TBX19: variants seen among roughly 807,000 people sequenced by gnomAD.
The protein encoded by TBX19 is T-box transcription factor 19, also known as T-box transcription factor TBX19.
In TBX19, 33 loss-of-function variants were observed where a neutral mutation model predicts 40.9. The observed-to-expected ratio is 0.81, with a 90% CI of 0.61 to 1.08. The LOEUF (loss-of-function observed/expected upper bound fraction) is 1.08, where lower values mean the gene tolerates loss of function less well. TBX19 is among the 50% of genes least tolerant of loss of function. TBX19 has a pLI of 0.00. For missense variants in TBX19, 494 were observed against 574.0 expected (o/e 0.86, Z 1.42); for synonymous variants, 220 against 225.0 (o/e 0.98, Z 0.20).
In TBX19 at chr1:168,312,994, G is replaced by C; in HGVS notation, c.1339G>C (p.Asp447His). ...AGGHHSPSSL[D>H]G ...TGGGCACCATTCTCCTTCCTCACTG[G>C]ATGGTTAAGCAGGATCCTAGGAGCC... Residue 447 changes from aspartate to histidine, a missense_variant, in exon 8 of 8, where the codon GAT (aspartate) becomes CAT (histidine). Physicochemically the swap from Asp to His is moderately conservative, Grantham distance 81. Transcript: ENST00000367821. 1.9e-6 allele frequency: 3 copies of C among 1,614,188 alleles called. No homozygotes were observed. The highest frequency in any genetic ancestry group is 2.5e-6 in the Non-Finnish European group (3 of 1,180,032).
intron 4 of TBX19, among the ~76,000 whole-genome samples, chr1:168,298,279 A>G (rs998532362): frequency 6.6e-6 from 1 of 152,238 alleles, no homozygotes; most frequent in Non-Finnish European, 1.5e-5. Flanking sequence ...TCTATTCGTT[A>G]TAATAGGGAT....
At chr1:168,309,505 A>G (rs1022065188) in intron 7 of TBX19, among the ~76,000 whole-genome samples, 3 of 152,326 alleles carry the variant, frequency 2.0e-5, no homozygotes, top group Non-Finnish European at 2.9e-5. Flanking sequence ...ATTGAAGAGG[A>G]AAAGTATAAA....
intron 1 of TBX19, among the ~76,000 whole-genome samples, chr1:168,289,559 G>T (rs1648887513): frequency 6.6e-6 from 1 of 152,116 alleles, no homozygotes; most frequent in Non-Finnish European, 1.5e-5. Context: ...TTTCTCCCTA[G>T]AAATTTTACT....
At chr1:168,297,277 G>A (rs1449936258) in intron 3 of TBX19, among the ~76,000 whole-genome samples, 2 of 152,184 alleles carry the variant, frequency 1.3e-5, no homozygotes, top group Non-Finnish European at 2.9e-5. Context: ...CTCATCCAGA[G>A]GGGCAGGATC....
Position 168,305,209 on chromosome 1 carries a change from G to A in TBX19, c.916+13G>A, listed in dbSNP as rs755337594. ...CATTCTCCCTCAGGTCTGTGACTCT[G>A]CTGATTAAACCCTTGGGGTATGGGC... On this transcript the variant is annotated intron_variant, in intron 6 of 7. Coordinates refer to ENST00000367821, the MANE Select transcript of TBX19 (RefSeq NM_005149.3). 6.2e-7 allele frequency: 1 copy of A among 1,608,094 alleles called. No homozygotes were observed. The highest frequency in any genetic ancestry group is 2.2e-5 in the East Asian group (1 of 44,882).
At chr1:168,289,305 G>A (rs747403792) in intron 1 of TBX19, among the ~76,000 whole-genome samples, 10 of 152,050 alleles carry the variant, frequency 6.6e-5, no homozygotes, top group East Asian at 3.8e-4. Context: ...AAAATATATC[G>A]TAAAAGGGAA....
intron 5 of TBX19, among the ~76,000 whole-genome samples, chr1:168,303,008 C>G (rs1329292268): frequency 6.6e-6 from 1 of 152,160 alleles, no homozygotes; most frequent in Non-Finnish European, 1.5e-5. Context: ...CTATTAACTT[C>G]TGCATTCAGA....
intron 1 of TBX19, among the ~76,000 whole-genome samples, chr1:168,289,115 C>T (rs1019861155): frequency 6.6e-6 from 1 of 152,176 alleles, no homozygotes; most frequent in African/African-American, 2.4e-5. Flanking sequence ...AACACAGAGA[C>T]CATGTCTCCA....
At chr1:168,305,917 T>C (rs1038182874) in intron 6 of TBX19, among the ~76,000 whole-genome samples, 1 of 152,242 alleles carries the variant, frequency 6.6e-6, no homozygotes, top group Non-Finnish European at 1.5e-5. Context: ...GGATCGACTA[T>C]ATGCCAGGCT....
intron 5 of TBX19, among the ~76,000 whole-genome samples, chr1:168,303,573 A>G (rs1043634860): frequency 6.6e-6 from 1 of 152,220 alleles, no homozygotes; most frequent in Admixed American, 6.5e-5. Context: ...GCAAGTCCAC[A>G]GAGTAAAGTG....
intron 1 of TBX19, among the ~76,000 whole-genome samples, chr1:168,285,288 C>T (rs1203595305): frequency 6.6e-6 from 1 of 151,684 alleles, no homozygotes; most frequent in Non-Finnish European, 1.5e-5. Flanking sequence ...CACACACACA[C>T]ACACACACAC....
chr1:168,301,988 G>A (rs1649284548), intron 5 of TBX19, among the ~76,000 whole-genome samples: 1 of 152,310 alleles, frequency 6.6e-6, no homozygotes, highest in South Asian at 2.1e-4. Context: ...ACTGTTCTGA[G>A]CTGTTTTTCT....
At chr1:168,312,302 C>T (rs1649543977) in intron 7 of TBX19, among the ~76,000 whole-genome samples, 1 of 152,206 alleles carries the variant, frequency 6.6e-6, no homozygotes, top group African/African-American at 2.4e-5. Context: ...AAACTTAAGT[C>T]TTCTGACAGT....
intron 1 of TBX19, among the ~76,000 whole-genome samples, chr1:168,288,159 A>G (rs1400539995): frequency 6.6e-6 from 1 of 152,212 alleles, no homozygotes; most frequent in African/African-American, 2.4e-5. Flanking sequence ...CTTATATAAA[A>G]TGGACTAGAA....
At chr1:168,311,420 A>G (rs1649518540) in intron 7 of TBX19, among the ~76,000 whole-genome samples, 1 of 152,156 alleles carries the variant, frequency 6.6e-6, no homozygotes, top group Non-Finnish European at 1.5e-5. Flanking sequence ...TCTGTAAGAG[A>G]TAATGTAGAA....
chr1:168,306,454 C>T lies in TBX19; in HGVS notation c.916+1258C>T, dbSNP rs140366089. 6.6e-5 allele frequency among the ~76,000 whole-genome samples: 10 copies of T among 152,028 alleles called. No individual in the cohort carries two copies. In the East Asian group the frequency reaches 1.9e-3, roughly 29 times the overall value. ...TAGCCTGGCCAACATGGCGAAACCCCGTCTCTACTAAAAATACAAAAACTA... is the reference window on the plus strand; with the variant it reads ...TAGCCTGGCCAACATGGCGAAACCCTGTCTCTACTAAAAATACAAAAACTA... On this transcript the variant is annotated intron_variant, in intron 6 of 7. Coordinates refer to ENST00000367821, the MANE Select transcript of TBX19 (RefSeq NM_005149.3).
In TBX19 at chr1:168,291,456, G is replaced by T. The variant is rs768060028; in HGVS notation, c.468+32G>T. The T allele has an allele frequency of 2.5e-6, 4 of 1,613,772 alleles. No individual in the cohort carries two copies. In the African/African-American group the frequency reaches 5.3e-5, roughly 22 times the overall value. On this transcript the variant is annotated intron_variant, in intron 2 of 7. Transcript: ENST00000367821. Reference sequence around the variant, plus strand: ...ATGAGGCGGGCAGGCCTGGCCACCCGCTCCGGCCTCCCCACAACACCAATC... The same window carrying T: ...ATGAGGCGGGCAGGCCTGGCCACCCTCTCCGGCCTCCCCACAACACCAATC...
Position 168,293,846 on chromosome 1 carries a change from A to G in TBX19, c.603+568A>G, listed in dbSNP as rs189556253. ...TGTGAGCTGCTTTGGGTCCGTTCAC[A>G]TGATCTGCTGATAATCAGAAGAACC... On this transcript the variant is annotated intron_variant, in intron 3 of 7. Coordinates refer to ENST00000367821, the MANE Select transcript of TBX19 (RefSeq NM_005149.3). Among the ~76,000 whole-genome samples, 59 of 152,290 alleles carry G rather than the reference A, an allele frequency of 3.9e-4. 1 individual carries two copies. The East Asian group carries it at 7.3e-3, about 19-fold the overall frequency.
In TBX19 at chr1:168,300,545, A is replaced by G. The variant is rs969789029; in HGVS notation, c.727+62A>G. 2.7e-6 allele frequency: 4 copies of G among 1,472,450 alleles called. No homozygotes were observed. The African/African-American group carries it at 5.5e-5, about 20-fold the overall frequency. The allele number at this position is 1,472,450 out of a possible 1,614,324, so 91.2% of individuals were successfully genotyped here. A position where few individuals can be genotyped will look rare whatever the true frequency, so the allele number is the denominator to read the frequency against. On this transcript the variant is annotated intron_variant, in intron 5 of 7. Coordinates refer to ENST00000367821, the MANE Select transcript of TBX19 (RefSeq NM_005149.3). Reference sequence around the variant, plus strand: ...GCTGTACCTGGAGCCAGCTCCTTCCACACTCAGACTCTTTGCCTGTCAGGA... The same window carrying G: ...GCTGTACCTGGAGCCAGCTCCTTCCGCACTCAGACTCTTTGCCTGTCAGGA...
Sources: allele counts gnomAD v4.1 joint callset (sites outside exome capture counted in the v4.1 genomes callset), GRCh38; gene constraint gnomAD v4.1.1; transcripts MANE v1.5; gene names NCBI Gene and HGNC (gene_info 2026-07-23, HGNC 2026-07-21).